Variants in UGT1A8 observed in about 807,000 individuals in gnomAD.
UGT1A8 encodes UDP glucuronosyltransferase family 1 member A8.
In UGT1A8, 39 loss-of-function variants were observed where a neutral mutation model predicts 45.3. The ratio of observed to expected loss-of-function variants is 0.86; its 90% confidence interval spans 0.67 to 1.12. The LOEUF (loss-of-function observed/expected upper bound fraction) is 1.12, where lower values mean the gene tolerates loss of function less well. UGT1A8 is among the 50% of genes most tolerant of loss of function. The probability of loss-of-function intolerance (pLI) is 0.00; values close to 1 mark genes in which losing one functional copy is unlikely to be tolerated. For missense variants in UGT1A8, 719 were observed against 664.9 expected (o/e 1.08, Z -0.90); for synonymous variants, 275 against 249.2 (o/e 1.10, Z -0.97).
At chr2:233,714,888 A>ATCTTTTTTTTT (rs148944858) in intron 1 of UGT1A8, among the ~76,000 whole-genome samples, 2 of 151,904 alleles carry the variant, frequency 1.3e-5, no homozygotes, top group African/African-American at 2.4e-5. Context: ...AAATTTTTCT[A>ATCTTTTTTTTT]TCTTTTGAGA....
rs10445705 is a variant in UGT1A8 at position 233,768,141 on chromosome 2, G to A, written c.1076-79G>A. Reference sequence around the variant, plus strand: ...ATGTGAGTAACACTGAGTCTTTGGAGTGTTTTCAGAACCTAGATGTGTCCA... The same window carrying A: ...ATGTGAGTAACACTGAGTCTTTGGAATGTTTTCAGAACCTAGATGTGTCCA... On this transcript the variant is annotated intron_variant, in intron 3 of 4. Coordinates refer to ENST00000373450, the MANE Select transcript of UGT1A8 (RefSeq NM_019076.5). The A allele has an allele frequency of 3.8e-3, 6,135 of 1,610,076 alleles. 218 individuals carry two copies. The African/African-American group carries it at 0.07, about 18-fold the overall frequency.
intron 1 of UGT1A8, among the ~76,000 whole-genome samples, chr2:233,739,832 A>C (rs1448736467): frequency 1.3e-5 from 2 of 152,016 alleles, no homozygotes; most frequent in Non-Finnish European, 2.9e-5. Flanking sequence ...GTGAAAAGAC[A>C]TGAGATTTGG....
intron 1 of UGT1A8, among the ~76,000 whole-genome samples, chr2:233,704,481 T>A (rs555763956): frequency 1.3e-5 from 2 of 152,310 alleles, no homozygotes; most frequent in African/African-American, 2.4e-5. Flanking sequence ...CTCCCCTTTT[T>A]ATGATATTAT....
chr2:233,641,771 G>A (rs899618137), intron 1 of UGT1A8, among the ~76,000 whole-genome samples: 1 of 152,126 alleles, frequency 6.6e-6, no homozygotes. Context: ...ATTTTCACCA[G>A]ATATACTATT....
intron 1 of UGT1A8, among the ~76,000 whole-genome samples, chr2:233,630,723 T>A (rs1330070234): frequency 2.0e-5 from 3 of 151,846 alleles, no homozygotes; most frequent in Non-Finnish European, 4.4e-5. Context: ...CATACTTTTT[T>A]ATTTTAATTT....
intron 1 of UGT1A8, chr2:233,743,832 T>TG (rs1692537259): frequency 7.3e-7 from 1 of 1,367,134 alleles, no homozygotes; most frequent in South Asian, 1.1e-5. Flanking sequence ...GGGTGCCACT[T>TG]GAGCGCCAGC....
chr2:233,677,059 A>G (rs909636758), intron 1 of UGT1A8, among the ~76,000 whole-genome samples: 3 of 152,116 alleles, frequency 2.0e-5, no homozygotes, highest in African/African-American at 7.2e-5. Flanking sequence ...GCATTTTAAA[A>G]TAAGTTCATT....
intron 1 of UGT1A8, chr2:233,722,120 C>G (rs2076991666): frequency 5.4e-6 from 1 of 185,150 alleles, no homozygotes; most frequent in South Asian, 1.2e-4. Context: ...CTATCATCAT[C>G]ATTAGTAGAG....
intron 1 of UGT1A8, chr2:233,637,434 G>T (rs2073327386): frequency 6.5e-7 from 1 of 1,540,460 alleles, no homozygotes; most frequent in Non-Finnish European, 8.7e-7. Flanking sequence ...AATTAAAAAA[G>T]GATTCCTTAC....
intron 1 of UGT1A8, among the ~76,000 whole-genome samples, chr2:233,731,827 A>G (rs1471240623): frequency 6.6e-6 from 1 of 152,154 alleles, no homozygotes; most frequent in Admixed American, 6.5e-5. Flanking sequence ...GTCAAATGGT[A>G]TTTCTAGTTC....
intron 1 of UGT1A8, among the ~76,000 whole-genome samples, chr2:233,757,362 A>G (rs970680016): frequency 6.6e-6 from 1 of 151,228 alleles, no homozygotes; most frequent in Non-Finnish European, 1.5e-5. Context: ...AGACAGTGGT[A>G]GAAACATCCA....
At chr2:233,681,716 T>C (rs1052249030) in intron 1 of UGT1A8, among the ~76,000 whole-genome samples, 2 of 152,200 alleles carry the variant, frequency 1.3e-5, no homozygotes, top group South Asian at 2.1e-4. Flanking sequence ...AAGGCAAAGA[T>C]GATGAGTTAC....
chr2:233,738,999 G>A (rs907486973), intron 1 of UGT1A8: 14 of 152,246 alleles, frequency 9.2e-5, no homozygotes, highest in African/African-American at 2.7e-4. Flanking sequence ...TTGGTGCCCT[G>A]TGTCCCAGTG....
At chr2:233,647,151 A>G (rs555368337) in intron 1 of UGT1A8, among the ~76,000 whole-genome samples, 1 of 152,276 alleles carries the variant, frequency 6.6e-6, no homozygotes, top group East Asian at 1.9e-4. Flanking sequence ...CTATGAGAAC[A>G]TCACGGGAAA....
At chr2:233,686,292 G>A (rs1306668848) in intron 1 of UGT1A8, among the ~76,000 whole-genome samples, 1 of 151,296 alleles carries the variant, frequency 6.6e-6, no homozygotes, top group African/African-American at 2.4e-5. Flanking sequence ...ACTAAAACAA[G>A]AAAAACAAGA....
chr2:233,620,650 G>C (rs1164168269), intron 1 of UGT1A8, among the ~76,000 whole-genome samples: 1 of 152,082 alleles, frequency 6.6e-6, no homozygotes, highest in African/African-American at 2.4e-5. Flanking sequence ...ACTTGCAGAA[G>C]GTTATGTGTA....
chr2:233,679,186 C>T (rs989767688), intron 1 of UGT1A8, among the ~76,000 whole-genome samples: 1 of 152,146 alleles, frequency 6.6e-6, no homozygotes, highest in Non-Finnish European at 1.5e-5. Context: ...ATTTTGACAC[C>T]TTCAGTGTTG....
chr2:233,728,344 T>C (rs965665608), intron 1 of UGT1A8, among the ~76,000 whole-genome samples: 5 of 152,226 alleles, frequency 3.3e-5, no homozygotes, highest in African/African-American at 4.8e-5. Context: ...AGTCCCTTGG[T>C]GAGCAGGAGC....
chr2:233,678,659 T>C (rs1260907915), intron 1 of UGT1A8, among the ~76,000 whole-genome samples: 3 of 152,250 alleles, frequency 2.0e-5, no homozygotes, highest in African/African-American at 7.2e-5. Context: ...GAAGCATTTC[T>C]ATGAGGCTTG....
Sources: gnomAD v4.1 joint callset for allele counts (sites outside exome capture counted in the v4.1 genomes callset) on GRCh38, gnomAD v4.1.1 for gene constraint, MANE v1.5 for transcripts, NCBI Gene and HGNC (gene_info 2026-07-23, HGNC 2026-07-21) for gene names.